LYPLA2: variants seen among roughly 807,000 people sequenced by gnomAD.
LYPLA2 encodes acyl-protein thioesterase 2.
Under a neutral mutation model 30.3 loss-of-function variants are expected in LYPLA2, and 7 were observed. That is an observed-to-expected ratio of 0.23 (90% confidence interval 0.13 to 0.43). LYPLA2 has a LOEUF of 0.43. Among genes scored for constraint, LYPLA2 ranks in the 20% least tolerant of loss-of-function variants. The pLI is 1.00. For synonymous variants in LYPLA2, 112 were observed against 118.2 expected (o/e 0.95, Z 0.34); for missense variants, 206 against 307.9 (o/e 0.67, Z 2.48).
chr1:23,793,070 GA>G lies in LYPLA2; in HGVS notation c.110+32del, dbSNP rs1343229930. On this transcript the variant is annotated intron_variant, in intron 3 of 9. Transcript: ENST00000374514. The surrounding 1 kb of genome is among the most constrained non-coding windows in gnomAD (Gnocchi z 6.0). Reference sequence around the variant, plus strand: ...TGACTGAGGAGGGGTGCTCCTTAAGGAGGGGTCCTGGCCCAGCAGCGGACTG... The same window carrying G: ...TGACTGAGGAGGGGTGCTCCTTAAGGGGGGTCCTGGCCCAGCAGCGGACTG... 1.9e-6 allele frequency: 3 copies of G among 1,613,480 alleles called. No homozygotes were observed. Among genetic ancestry groups the G allele is most frequent in the Non-Finnish European group, 2.5e-6 (3 of 1,179,672 alleles).
Position 23,794,612 on chromosome 1 carries a change from G to C in LYPLA2, c.645+12G>C. On this transcript the variant is annotated intron_variant, in intron 9 of 9. Transcript: ENST00000374514. This position sits in a 1 kb window ranked among gnomAD's most constrained non-coding sequence, Gnocchi z 5.9. ...GCTCCTGTCCTCAGGTCAGTGGGGG[G>C]ACCATTTCCCACTCCCACTTCTCTG... is the stretch of plus-strand genomic sequence containing the variant. 6.2e-7 allele frequency: 1 copy of C among 1,614,056 alleles called. No individual in the cohort carries two copies. Among genetic ancestry groups the C allele is most frequent in the Non-Finnish European group, 8.5e-7 (1 of 1,179,942 alleles).
chr1:23,791,644 T>C (rs1638795297), intron 1 of LYPLA2, among the ~76,000 whole-genome samples: 2 of 151,790 alleles, frequency 1.3e-5, no homozygotes, highest in South Asian at 2.1e-4. Flanking sequence ...TCTCAAGGTG[T>C]ATAGAGAGAG....
chr1:23,794,402 G>A lies in LYPLA2; in HGVS notation c.472-25G>A. 1 of 1,612,808 alleles carries A rather than the reference G, an allele frequency of 6.2e-7. No homozygotes were observed. Among genetic ancestry groups the A allele is most frequent in the Non-Finnish European group, 8.5e-7 (1 of 1,179,470 alleles). ...TGGGGACTGCTGCAGCACTAGCTTT[G>A]CCCTGAGTCCTGTCCGGCCTCCAGG... On this transcript the variant is annotated intron_variant, in intron 8 of 9. Transcript: ENST00000374514. This position sits in a 1 kb window ranked among gnomAD's most constrained non-coding sequence, Gnocchi z 5.9.
chr1:23,792,371 A>G (rs1293657863), intron 1 of LYPLA2, among the ~76,000 whole-genome samples: 1 of 152,080 alleles, frequency 6.6e-6, no homozygotes, highest in East Asian at 1.9e-4. Flanking sequence ...CCCCTGCCCT[A>G]CAGTCCCTAT....
chr1:23,793,213 A>G lies in LYPLA2; in HGVS notation c.173A>G (p.His58Arg). Residue 58 changes from histidine to arginine, a missense_variant, in exon 4 of 10, where the codon CAT (histidine) becomes CGT (arginine). Coordinates refer to ENST00000374514, the MANE Select transcript of LYPLA2 (RefSeq NM_007260.3). The surrounding 1 kb of genome is among the most constrained non-coding windows in gnomAD (Gnocchi z 6.0). The part of the protein sequence containing the change: ...RLPHVKYICP[H>R]APRIPVTLNM... Reference sequence around the variant, plus strand: ...CCTCACGTCAAGTACATCTGTCCCCATGCGTGAGTGTCACCCCAGCAAGGG... The same window carrying G: ...CCTCACGTCAAGTACATCTGTCCCCGTGCGTGAGTGTCACCCCAGCAAGGG... 6.2e-7 allele frequency: 1 copy of G among 1,613,466 alleles called. No individual in the cohort carries two copies. The highest frequency in any genetic ancestry group is 8.5e-7 in the Non-Finnish European group (1 of 1,179,844).
Position 23,793,124 on chromosome 1 carries a change from G to C in LYPLA2, c.111-27G>C, listed in dbSNP as rs369751419. ...GAGGCCTTCTCTTCCTACCACATCGGAGCCTTTTCTCCCGTCCCTCCTACA... is the reference window on the plus strand; with the variant it reads ...GAGGCCTTCTCTTCCTACCACATCGCAGCCTTTTCTCCCGTCCCTCCTACA... On this transcript the variant is annotated intron_variant, in intron 3 of 9. Transcript: ENST00000374514. This position sits in a 1 kb window ranked among gnomAD's most constrained non-coding sequence, Gnocchi z 6.0. 1 of 1,613,974 alleles carries C rather than the reference G, an allele frequency of 6.2e-7. No individual in the cohort carries two copies. Among genetic ancestry groups the C allele is most frequent in the South Asian group, 1.1e-5 (1 of 91,086 alleles).
intron 1 of LYPLA2, 46 bp from the exon 2 acceptor site, chr1:23,792,611 G>A: frequency 2.4e-6 from 3 of 1,236,946 alleles, no homozygotes; most frequent in Non-Finnish European, 2.4e-6. Flanking sequence ...CCAGGAGTGT[G>A]TCCTGTGCCT....
At position 23,794,013 on chromosome 1, in the gene LYPLA2, A is replaced by G. The variant is rs773170799; in HGVS notation, c.296-50A>G. ...GGCGGTTCCTCAGCCTAGCTCCCTT[A>G]TTGGGCCCCTTGGCAGCTTCCCTCT... On this transcript the variant is annotated intron_variant, in intron 6 of 9. Coordinates refer to ENST00000374514, the MANE Select transcript of LYPLA2 (RefSeq NM_007260.3). This position sits in a 1 kb window ranked among gnomAD's most constrained non-coding sequence, Gnocchi z 5.9. The G allele has an allele frequency of 5.0e-6, 8 of 1,593,360 alleles. No individual in the cohort carries two copies. In the South Asian group the frequency reaches 8.8e-5, roughly 18 times the overall value.
chr1:23,791,844 G>A (rs1274802511), intron 1 of LYPLA2: 1 of 152,518 alleles, frequency 6.6e-6, no homozygotes, highest in Non-Finnish European at 1.5e-5. Context: ...TGGAAGGTGA[G>A]GCCAGTTGGG....
Position 23,793,700 on chromosome 1 carries a change from C to T in LYPLA2, c.177-5C>T. The T allele has an allele frequency of 2.5e-6, 4 of 1,614,088 alleles. No individual in the cohort carries two copies. In the Admixed American group the frequency reaches 5.0e-5, roughly 20 times the overall value. ...ATGATGGGCCCTCTGGCTCTCTTTCCCCAGGCCTAGGATCCCTGTGACCCT... is the reference window on the plus strand; with the variant it reads ...ATGATGGGCCCTCTGGCTCTCTTTCTCCAGGCCTAGGATCCCTGTGACCCT... On this transcript the variant is annotated splice_polypyrimidine_tract_variant and splice_region_variant and intron_variant, in intron 4 of 9. Transcript: ENST00000374514. This position sits in a 1 kb window ranked among gnomAD's most constrained non-coding sequence, Gnocchi z 6.0.
At chr1:23,792,185 G>A (rs536073100) in intron 1 of LYPLA2, among the ~76,000 whole-genome samples, 1 of 151,998 alleles carries the variant, frequency 6.6e-6, no homozygotes, top group East Asian at 1.9e-4. Flanking sequence ...GGGGGTTGGA[G>A]GCGGCACTGA....
chr1:23,791,411 C>T (rs1306355204), intron 1 of LYPLA2, among the ~76,000 whole-genome samples, 161 bp downstream of exon 1: 38 of 151,602 alleles, frequency 2.5e-4, no homozygotes, highest in Non-Finnish European at 8.8e-5. Flanking sequence ...TGGAGCGGGG[C>T]TAGGCAAGGG....
In LYPLA2 at chr1:23,794,262, C is replaced by T. The variant is rs765594532; in HGVS notation, c.408C>T (p.Pro136=). ...CCCTCTACACGGCCCTCACCTGCCC[C>T]CACCCTCTGGCTGGCATCGTGGCGT... ...ALSLYTALTC[P]HPLAGIVALS... Residue 136 remains proline (P), a synonymous_variant, in exon 8 of 10, where the codon CCC becomes CCT. Transcript: ENST00000374514. This position sits in a 1 kb window ranked among gnomAD's most constrained non-coding sequence, Gnocchi z 5.9. 7.4e-6 allele frequency: 12 copies of T among 1,612,116 alleles called. No homozygotes were observed. Among genetic ancestry groups the T allele is most frequent in the Non-Finnish European group, 5.9e-6 (7 of 1,179,892 alleles).
In LYPLA2 at chr1:23,794,994, G is replaced by A. The variant is rs924391993; in HGVS notation, c.*262G>A. ...GGGCCCCCCTGGCAGCAGTATTGGA[G>A]GGGCTACAGGCAGCTGGAGAAAGGG... On this transcript the variant is annotated 3_prime_UTR_variant, in exon 10 of 10. Coordinates refer to ENST00000374514, the MANE Select transcript of LYPLA2 (RefSeq NM_007260.3). This position sits in a 1 kb window ranked among gnomAD's most constrained non-coding sequence, Gnocchi z 5.9. 9 of 669,852 alleles carry A rather than the reference G, an allele frequency of 1.3e-5. No homozygotes were observed. Among genetic ancestry groups the A allele is most frequent in the African/African-American group, 3.5e-5 (2 of 56,598 alleles). The allele number at this position is 669,852 out of a possible 1,614,324, so 41.5% of individuals were successfully genotyped here. A position where few individuals can be genotyped will look rare whatever the true frequency, so the allele number is the denominator to read the frequency against.
rs1395559612 is a variant in LYPLA2, at chr1:23,793,873, G to C, written c.238G>C (p.Gly80Arg). Reference sequence around the variant, plus strand: ...TCTACTCCCAAGGTTTGACCTGATGGGGCTGAGTCCAGATGCCCCAGAGGA... The same window carrying C: ...TCTACTCCCAAGGTTTGACCTGATGCGGCTGAGTCCAGATGCCCCAGAGGA... ...MVMPSWFDLMGLSPDAPEDEA... is the reference protein window; with the variant it reads ...MVMPSWFDLMRLSPDAPEDEA... The change falls in exon 6 of 10, where the codon GGG becomes CGG. Residue 80 changes from glycine (G) to arginine (R), a missense_variant. By Grantham distance (125) the Gly-to-Arg change is moderately radical (BLOSUM62 -2). Coordinates refer to ENST00000374514, the MANE Select transcript of LYPLA2 (RefSeq NM_007260.3). The surrounding 1 kb of genome is among the most constrained non-coding windows in gnomAD (Gnocchi z 6.0). 6.2e-7 allele frequency: 1 copy of C among 1,614,034 alleles called. No homozygotes were observed. The highest frequency in any genetic ancestry group is 1.1e-5 in the South Asian group (1 of 91,080).
In LYPLA2 at chr1:23,794,188, C is replaced by T; in HGVS notation, c.370-36C>T. 1.3e-6 allele frequency: 2 copies of T among 1,583,438 alleles called. No homozygotes were observed. Among genetic ancestry groups the T allele is most frequent in the Non-Finnish European group, 1.7e-6 (2 of 1,161,164 alleles). On this transcript the variant is annotated intron_variant, in intron 7 of 9. Coordinates refer to ENST00000374514, the MANE Select transcript of LYPLA2 (RefSeq NM_007260.3). The surrounding 1 kb of genome is among the most constrained non-coding windows in gnomAD (Gnocchi z 5.9). ...GGGGTAGGGGTGGCCGGTGAGTGAG[C>T]TGTGCCCTCATGACCCCTCTCTCTC...
chr1:23,793,872 G>A lies in LYPLA2; in HGVS notation c.237G>A (p.Met79Ile), dbSNP rs1208465347. The part of the protein sequence containing the change: ...KMVMPSWFDL[M>I]GLSPDAPEDE... ...CTCTACTCCCAAGGTTTGACCTGAT[G>A]GGGCTGAGTCCAGATGCCCCAGAGG... Residue 79 changes from methionine (M) to isoleucine (I), a missense_variant, in exon 6 of 10, where the codon ATG becomes ATA. Physicochemically the swap from Met to Ile is conservative, Grantham distance 10 (BLOSUM62 1). Transcript: ENST00000374514. The surrounding 1 kb of genome is among the most constrained non-coding windows in gnomAD (Gnocchi z 6.0). 1 of 1,613,908 alleles carries A rather than the reference G, an allele frequency of 6.2e-7. No individual in the cohort carries two copies. The highest frequency in any genetic ancestry group is 2.2e-5 in the East Asian group (1 of 44,880).
chr1:23,793,971 C>T lies in LYPLA2; in HGVS notation c.295+41C>T, dbSNP rs1638859520. On this transcript the variant is annotated intron_variant, in intron 6 of 9. Transcript: ENST00000374514. This position sits in a 1 kb window ranked among gnomAD's most constrained non-coding sequence, Gnocchi z 6.0. ...CTCCTCCACATCCTCCTTCCCCTGCCCCCCAGGAAAGCGCTGGGCGGTTCC... is the reference window on the plus strand; with the variant it reads ...CTCCTCCACATCCTCCTTCCCCTGCTCCCCAGGAAAGCGCTGGGCGGTTCC... The T allele has an allele frequency of 1.1e-5, 18 of 1,598,598 alleles. No individual in the cohort carries two copies. Among genetic ancestry groups the T allele is most frequent in the Non-Finnish European group, 1.5e-5 (18 of 1,165,848 alleles).
At position 23,793,001 on chromosome 1, in the gene LYPLA2, T is replaced by A. The variant is rs768494389; in HGVS notation, c.79-7T>A. 9.9e-6 allele frequency: 16 copies of A among 1,612,118 alleles called. No homozygotes were observed. The South Asian group carries it at 1.5e-4, about 16-fold the overall frequency. ...TTCCTGTCTCCCCATTTCCCATCCT[T>A]TTCCAGGTTATTTTTTTACATGGAC... is the stretch of plus-strand genomic sequence containing the variant. On this transcript the variant is annotated splice_polypyrimidine_tract_variant and splice_region_variant and intron_variant, in intron 2 of 9. Coordinates refer to ENST00000374514, the MANE Select transcript of LYPLA2 (RefSeq NM_007260.3). This position sits in a 1 kb window ranked among gnomAD's most constrained non-coding sequence, Gnocchi z 6.0.
Sources: gnomAD v4.1 joint callset for allele counts (sites outside exome capture counted in the v4.1 genomes callset) on GRCh38, gnomAD v4.1.1 for gene constraint, Gnocchi (gnomAD v3.1) non-coding constraint, MANE v1.5 for transcripts, NCBI Gene and HGNC (gene_info 2026-07-23, HGNC 2026-07-21) for gene names.